Variants in ARGFX observed in about 807,000 individuals in gnomAD.
ARGFX encodes arginine-fifty homeobox.
Under a neutral mutation model 8.0 loss-of-function variants are expected in ARGFX, and 10 were observed. That is an observed-to-expected ratio of 1.25 (90% CI 0.77 to 2.12). ARGFX has a LOEUF of 2.12. Ranked by LOEUF, ARGFX falls within the 30% of genes most tolerant of loss-of-function variation. The pLI is 0.00. For missense variants in ARGFX, 282 were observed against 324.3 expected, an observed-to-expected ratio of 0.87 and a Z score of 1.00; for synonymous variants, 116 against 117.8, an observed-to-expected ratio of 0.98 and a Z score of 0.10.
At chr3:121,577,259 A>ATATATATATATTTTTTTT (rs1403064031) in intron 3 of ARGFX, among the ~76,000 whole-genome samples, 9 of 59,640 alleles carry the variant, frequency 1.5e-4, no homozygotes, top group Non-Finnish European at 1.5e-4. Context: ...ATATATATAT[A>ATATATATATATTTTTTTT]TTTTTTTTTT....
At chr3:121,580,901 T>C (rs963579819) in intron 3 of ARGFX, among the ~76,000 whole-genome samples, 5 of 152,164 alleles carry the variant, frequency 3.3e-5, no homozygotes, top group Admixed American at 3.3e-4. Flanking sequence ...TCCTTTACTG[T>C]ATCATCTATA....
chr3:121,585,042 G>T lies in ARGFX; in HGVS notation c.346G>T (p.Asp116Tyr). The change falls in exon 4 of 5, where the codon GAC becomes TAC. Residue 116 changes from aspartate to tyrosine, a missense_variant. Coordinates refer to ENST00000334384, the MANE Select transcript of ARGFX (RefSeq NM_001012659.2). ...TCAGGAGAAACTAGCTTTGAGACTC[G>T]ACCTACCGGAGTCAACAGTAAAGGT... ...NLQEKLALRLDLPESTVKVWF... is the reference protein window; with the variant it reads ...NLQEKLALRLYLPESTVKVWF... 1 of 1,613,794 alleles carries T rather than the reference G, an allele frequency of 6.2e-7. No individual in the cohort carries two copies.
In ARGFX at chr3:121,577,259, A is replaced by ATTTT. The variant is rs869249692; in HGVS notation, c.220+369_220+372dup. 3.4e-3 allele frequency among the ~76,000 whole-genome samples: 202 copies of ATTTT among 59,566 alleles called. 3 individuals carry two copies. The highest frequency in any genetic ancestry group is 0.019 in the South Asian group (27 of 1,420). The allele number at this position is 59,566 out of a possible 152,430, so 39.1% of individuals were successfully genotyped here. A position where few individuals can be genotyped will look rare whatever the true frequency, so the allele number is the denominator to read the frequency against. ...TATATATATATATATATATATATAT[A>ATTTT]TTTTTTTTTTTTTAAATGGAGTCTC... On this transcript the variant is annotated intron_variant, in intron 3 of 4. Transcript: ENST00000334384.
chr3:121,586,718 C>A lies in ARGFX; in HGVS notation c.*118C>A. ...CATCTGGGTCTGTGTCTCTGATTTC[C>A]ATGTAAATGTTGCAAAAAGAGTTTT... On this transcript the variant is annotated 3_prime_UTR_variant, in exon 5 of 5. Coordinates refer to ENST00000334384, the MANE Select transcript of ARGFX (RefSeq NM_001012659.2). 1 of 901,834 alleles carries A rather than the reference C, an allele frequency of 1.1e-6. No individual in the cohort carries two copies. Among genetic ancestry groups the A allele is most frequent in the Non-Finnish European group, 1.6e-6 (1 of 609,688 alleles). The allele number at this position is 901,834 out of a possible 1,614,324, so 55.9% of individuals were successfully genotyped here.
chr3:121,585,690 C>A (rs2048808014), intron 4 of ARGFX, among the ~76,000 whole-genome samples: 1 of 151,988 alleles, frequency 6.6e-6, no homozygotes, highest in Non-Finnish European at 1.5e-5. Flanking sequence ...TAAAATAATC[C>A]TTAAAAATCC....
At chr3:121,572,720 G>C (rs1161171824) in intron 2 of ARGFX, among the ~76,000 whole-genome samples, 1 of 152,110 alleles carries the variant, frequency 6.6e-6, no homozygotes, top group East Asian at 1.9e-4. Context: ...AAGATGAACA[G>C]ATGAACAAAG....
At chr3:121,571,730 AT>A (rs1173636701) in intron 2 of ARGFX, among the ~76,000 whole-genome samples, 20,869 of 107,064 alleles carry the variant, frequency 0.19, 1,377 homozygotes, top group Admixed American at 0.32. Flanking sequence ...TGCCCGGCAA[AT>A]TTTTTTTTTT....
chr3:121,587,863 T>A lies in ARGFX; in HGVS notation c.*1263T>A, dbSNP rs2048821196. Reference sequence around the variant, plus strand: ...TAGTGGAGATGGGGTTTCGCCTTGTTGCCCAGGCTGAATTTGGGTTTTTTT... The same window carrying A: ...TAGTGGAGATGGGGTTTCGCCTTGTAGCCCAGGCTGAATTTGGGTTTTTTT... On this transcript the variant is annotated 3_prime_UTR_variant, in exon 5 of 5. Coordinates refer to ENST00000334384, the MANE Select transcript of ARGFX (RefSeq NM_001012659.2). 6.6e-6 allele frequency among the ~76,000 whole-genome samples: 1 copy of A among 152,116 alleles called. No individual in the cohort carries two copies. Among genetic ancestry groups the A allele is most frequent in the African/African-American group, 2.4e-5 (1 of 41,420 alleles).
intron 1 of ARGFX, among the ~76,000 whole-genome samples, chr3:121,568,469 C>T (rs1428512303): frequency 1.3e-5 from 2 of 152,302 alleles, no homozygotes; most frequent in South Asian, 2.1e-4. Flanking sequence ...TTGATAGCCT[C>T]GATCAGGGAA....
chr3:121,574,798 G>C (rs748118157), intron 2 of ARGFX, among the ~76,000 whole-genome samples: 12 of 152,140 alleles, frequency 7.9e-5, no homozygotes, highest in Non-Finnish European at 1.2e-4. Context: ...AAATAGAATT[G>C]TTATTTCTTA....
At chr3:121,585,944 G>A in intron 4 of ARGFX, 78 bp from the exon 5 acceptor site, 1 of 1,353,988 alleles carries the variant, frequency 7.4e-7, no homozygotes, top group Non-Finnish European at 1.0e-6. Flanking sequence ...TTATAACCTG[G>A]CTGTTTTCAC....
At position 121,586,417 on chromosome 3, in the gene ARGFX, A is replaced by ACAAAGTACCTG; in HGVS notation, c.766_767insAAAGTACCTGC (p.Pro256GlnfsTer10). 6.2e-7 allele frequency: 1 copy of ACAAAGTACCTG among 1,614,116 alleles called. No individual in the cohort carries two copies. The highest frequency in any genetic ancestry group is 8.5e-7 in the Non-Finnish European group (1 of 1,180,016). On this transcript the variant is annotated frameshift_variant, in exon 5 of 5. Transcript: ENST00000334384. LOFTEE classifies it low-confidence loss of function (END_TRUNC). ...TCCACTGTCTGTATCAGTATCTCTC[A>ACAAAGTACCTG]CCCACAAAGTACCAGGTAGGAGGAC...
chr3:121,574,223 C>A (rs1252675659), intron 2 of ARGFX, among the ~76,000 whole-genome samples: 1 of 152,264 alleles, frequency 6.6e-6, no homozygotes, highest in East Asian at 1.9e-4. Flanking sequence ...CAGAAGCATT[C>A]AGGGCAGCAG....
intron 3 of ARGFX, among the ~76,000 whole-genome samples, chr3:121,578,423 G>A (rs1204282231): frequency 6.6e-6 from 1 of 151,966 alleles, no homozygotes; most frequent in African/African-American, 2.4e-5. Flanking sequence ...CACCACATCT[G>A]GCCACATTCC....
rs1274465599 is a variant in ARGFX, at chr3:121,586,834, T to C, written c.*234T>C. The stretch of plus-strand genomic sequence containing the variant: ...TTCATGGCCAATGAGACTCCAAAAT[T>C]CCCTTCCCAAAACTATCTTGGATTT... On this transcript the variant is annotated 3_prime_UTR_variant, in exon 5 of 5. Coordinates refer to ENST00000334384, the MANE Select transcript of ARGFX (RefSeq NM_001012659.2). 6.6e-6 allele frequency among the ~76,000 whole-genome samples: 1 copy of C among 152,122 alleles called. No homozygotes were observed. The highest frequency in any genetic ancestry group is 1.5e-5 in the Non-Finnish European group (1 of 68,034).
intron 2 of ARGFX, among the ~76,000 whole-genome samples, chr3:121,574,431 T>C (rs1046153152): frequency 2.0e-5 from 3 of 152,194 alleles, no homozygotes; most frequent in Non-Finnish European, 2.9e-5. Context: ...CCTGAGCTTG[T>C]TTTCCTGTAA....
rs1491494549 is a variant in ARGFX, at chr3:121,577,260, T to TATATATA, written c.220+360_220+361insATATATA. Among the ~76,000 whole-genome samples, 46 of 30,870 alleles carry TATATATA rather than the reference T, an allele frequency of 1.5e-3. No homozygotes were observed. In the East Asian group the frequency reaches 0.023, roughly 15 times the overall value. The allele number at this position is 30,870 out of a possible 152,430, so 20.3% of individuals were successfully genotyped here. A position where few individuals can be genotyped will look rare whatever the true frequency, so the allele number is the denominator to read the frequency against. ...ATATATATATATATATATATATATA[T>TATATATA]TTTTTTTTTTTTAAATGGAGTCTCA... On this transcript the variant is annotated intron_variant, in intron 3 of 4. Coordinates refer to ENST00000334384, the MANE Select transcript of ARGFX (RefSeq NM_001012659.2).
chr3:121,580,601 T>C (rs983069704), intron 3 of ARGFX, among the ~76,000 whole-genome samples: 2 of 115,970 alleles, frequency 1.7e-5, no homozygotes, highest in Non-Finnish European at 3.6e-5. Flanking sequence ...TGTGTATATA[T>C]ATATATTTTT....
chr3:121,579,945 C>CTTTTTTTTTTTTTTTTTTTTTTTTTTTTT (rs1174620508), intron 3 of ARGFX, among the ~76,000 whole-genome samples: 14 of 91,576 alleles, frequency 1.5e-4, no homozygotes, highest in African/African-American at 2.4e-4. Context: ...CTTTTCTTTT[C>CTTTTTTTTTTTTTTTTTTTTTTTTTTTTT]TTTTTTTTTT....
Sources: allele counts gnomAD v4.1 joint callset (sites outside exome capture counted in the v4.1 genomes callset), GRCh38; gene constraint gnomAD v4.1.1; transcripts MANE v1.5; gene names NCBI Gene and HGNC (gene_info 2026-07-23, HGNC 2026-07-21).